STAB1: variants seen among roughly 807,000 people sequenced by gnomAD.
STAB1 encodes the protein stabilin-1.
A neutral mutation model predicts 332.4 loss-of-function variants in STAB1; 250 were observed. The ratio of observed to expected loss-of-function variants is 0.75; its 90% confidence interval spans 0.68 to 0.84. STAB1 has a LOEUF of 0.84. Among genes scored for constraint, STAB1 ranks in the 40% least tolerant of loss-of-function variants. The pLI is 0.00. For missense variants in STAB1, 3,249 were observed against 3,489.7 expected, an observed-to-expected ratio of 0.93 and a Z score of 1.74; for synonymous variants, 1,475 against 1,390.4, an observed-to-expected ratio of 1.06 and a Z score of -1.35.
chr3:52,509,721 A>G (rs1709150561), intron 22 of STAB1, 149 bp from the exon 23 acceptor site: 1 of 778,136 alleles, frequency 1.3e-6, no homozygotes, highest in Non-Finnish European at 2.1e-6. Context: ...CTGCCTGCCC[A>G]TTGAGTCTGA....
intron 20 of STAB1, 101 bp downstream of exon 20, chr3:52,508,127 T>A: frequency 7.3e-7 from 1 of 1,372,118 alleles, no homozygotes; most frequent in Non-Finnish European, 1.0e-6. Flanking sequence ...CCTCAGAGGA[T>A]GCACTGCAGC....
Position 52,505,322 on chromosome 3 carries a change from A to G in STAB1, c.1522A>G (p.Thr508Ala). ...PSGTPGDPKR[T>A]IGQILASTEA... is the part of the protein sequence containing the mutation. ...TCACACTCATCCCTCCTTACAGAGAACTATCGGACAGATCCTCGCCTCTAC... is the reference window on the plus strand; with the variant it reads ...TCACACTCATCCCTCCTTACAGAGAGCTATCGGACAGATCCTCGCCTCTAC... The change falls in exon 14 of 69, where the codon ACT (threonine) becomes GCT (alanine). Residue 508 changes from threonine (T) to alanine (A), a missense_variant. By Grantham distance (58) the Thr-to-Ala change is moderately conservative. Coordinates refer to ENST00000321725, the MANE Select transcript of STAB1 (RefSeq NM_015136.3). The G allele has an allele frequency of 6.2e-7, 1 of 1,613,634 alleles. No homozygotes were observed. Among genetic ancestry groups the G allele is most frequent in the Non-Finnish European group, 8.5e-7 (1 of 1,179,908 alleles).
chr3:52,514,790 C>T lies in STAB1; in HGVS notation c.3768C>T (p.Gly1256=), dbSNP rs1335020941. 1 of 1,612,886 alleles carries T rather than the reference C, an allele frequency of 6.2e-7. No individual in the cohort carries two copies. Among genetic ancestry groups the T allele is most frequent in the Non-Finnish European group, 8.5e-7 (1 of 1,179,976 alleles). The change falls in exon 35 of 69, where the codon GGC becomes GGT. Residue 1256 remains glycine, a synonymous_variant. Coordinates refer to ENST00000321725, the MANE Select transcript of STAB1 (RefSeq NM_015136.3). ...GTCTGTCGGGGGTCCTGACGGTGGGCTCAAGTCGCTGCCTGCATAGCCACG... is the reference window on the plus strand; with the variant it reads ...GTCTGTCGGGGGTCCTGACGGTGGGTTCAAGTCGCTGCCTGCATAGCCACG... ...LIGLSGVLTV[G]SSRCLHSHAE...
chr3:52,518,326 T>TA lies in STAB1; in HGVS notation c.4778dup (p.His1594AlafsTer13), dbSNP rs761862896. 2 of 1,612,868 alleles carry TA rather than the reference T, an allele frequency of 1.2e-6. No homozygotes were observed. The highest frequency in any genetic ancestry group is 4.5e-5 in the East Asian group (2 of 44,886). On this transcript the variant is annotated frameshift_variant, in exon 46 of 69. Transcript: ENST00000321725. LOFTEE classifies it high-confidence loss of function. ...CGCCCCCCCAGGAGCTCCTGAGGGA[T>TA]AAGCATGCCTCATTCTTCAGCCTCC... is the stretch of plus-strand genomic sequence containing the variant.
At chr3:52,501,073 G>A in intron 1 of STAB1, 93 bp from the exon 2 acceptor site, 2 of 1,522,630 alleles carry the variant, frequency 1.3e-6, no homozygotes, top group Non-Finnish European at 1.8e-6. Context: ...GGAAGTGGCA[G>A]CTGGAGGGGT....
intron 16 of STAB1, 87 bp downstream of exon 16, chr3:52,506,023 C>T (rs1708834880): frequency 1.3e-6 from 2 of 1,552,468 alleles, no homozygotes; most frequent in East Asian, 4.6e-5. Context: ...CCCATCTCTT[C>T]TCCATCTCCC....
In STAB1 at chr3:52,496,457, C is replaced by G. The variant is rs1385989724; in HGVS notation, c.78+966C>G. 2.0e-5 allele frequency among the ~76,000 whole-genome samples: 3 copies of G among 152,250 alleles called. No individual in the cohort carries two copies. The South Asian group carries it at 6.2e-4, about 31-fold the overall frequency. On this transcript the variant is annotated intron_variant, in intron 1 of 68. Transcript: ENST00000321725. ...ATCCCACAGGCAGTCCAGCCAGGGGCCTAGGCCCCCTGCCACCATCAGGCG... is the reference window on the plus strand; with the variant it reads ...ATCCCACAGGCAGTCCAGCCAGGGGGCTAGGCCCCCTGCCACCATCAGGCG...
At chr3:52,508,438 G>T in intron 21 of STAB1, 79 bp downstream of exon 21, 1 of 1,422,692 alleles carries the variant, frequency 7.0e-7, no homozygotes, top group Middle Eastern at 1.8e-4. Context: ...CTGGCTGTGT[G>T]TCTGGGCCAA....
intron 55 of STAB1, 105 bp from the exon 56 acceptor site, chr3:52,521,256 C>T (rs911683735): frequency 1.3e-5 from 19 of 1,496,618 alleles, no homozygotes; most frequent in Middle Eastern, 4.5e-4. Flanking sequence ...TAGCAGTGGG[C>T]GGACATAGGT....
chr3:52,515,518 A>T lies in STAB1; in HGVS notation c.3948+12A>T. On this transcript the variant is annotated intron_variant, in intron 37 of 68. Transcript: ENST00000321725. ...CCAAGAAGATCCAGGTTTGCCCTGA[A>T]GCCCCCACCCCAAGCCTGTCCAGAG... The T allele has an allele frequency of 6.2e-7, 1 of 1,612,934 alleles. No individual in the cohort carries two copies. Among genetic ancestry groups the T allele is most frequent in the Non-Finnish European group, 8.5e-7 (1 of 1,179,948 alleles).
At chr3:52,508,059 C>T (rs1709011693) in intron 20 of STAB1, 33 bp downstream of exon 20, 3 of 1,590,844 alleles carry the variant, frequency 1.9e-6, no homozygotes, top group Non-Finnish European at 2.6e-6. Flanking sequence ...ACTCCCAGGT[C>T]ACCTGGGCAC....
rs1009612225 is a variant in STAB1 at position 52,521,392 on chromosome 3, T to C, written c.5940T>C (p.Ser1980=). 21 of 1,613,894 alleles carry C rather than the reference T, an allele frequency of 1.3e-5. No homozygotes were observed. Among genetic ancestry groups the C allele is most frequent in the Non-Finnish European group, 1.7e-5 (20 of 1,180,022 alleles). Residue 1980 remains serine (S), a synonymous_variant, in exon 56 of 69, where the codon AGT becomes AGC. Transcript: ENST00000321725. ...ACPGGPSSPC[S]DRGVCMDGMS... ...CTGGCGGCCCCAGCAGCCCTTGTAG[T>C]GACCGTGGCGTGTGCATGGACGGCA...
Position 52,508,005 on chromosome 3 carries a change from C to T in STAB1, c.2127C>T (p.Ser709=). The T allele has an allele frequency of 3.1e-6, 5 of 1,613,598 alleles. No individual in the cohort carries two copies. Among genetic ancestry groups the T allele is most frequent in the Non-Finnish European group, 3.4e-6 (4 of 1,179,962 alleles). ...ATGTGCTAAAGAAGGGCTGTGCCAG[C>T]TACTGCAACCAAACCATCATGGTAA... The part of the protein sequence containing the change: ...GLNVLKKGCA[S]YCNQTIMEQG... Residue 709 remains serine (S), a synonymous_variant, in exon 20 of 69, where the codon AGC becomes AGT. Transcript: ENST00000321725.
Position 52,510,225 on chromosome 3 carries a change from GCTCA to G in STAB1, c.2619_2622del (p.Cys873TrpfsTer39). The G allele has an allele frequency of 6.2e-7, 1 of 1,614,030 alleles. No individual in the cohort carries two copies. Among genetic ancestry groups the G allele is most frequent in the Non-Finnish European group, 8.5e-7 (1 of 1,180,028 alleles). ...TGCTCCCACCCGGACCGTGGAGGCT[GCTCA>G]GAGAATGTCAGTCCCCTTGCTCCTT... On this transcript the variant is annotated frameshift_variant, in exon 24 of 69. Coordinates refer to ENST00000321725, the MANE Select transcript of STAB1 (RefSeq NM_015136.3). LOFTEE classifies it high-confidence loss of function.
rs768235658 is a variant in STAB1 at position 52,523,707 on chromosome 3, A to G, written c.7346A>G (p.Asn2449Ser). The G allele has an allele frequency of 4.3e-6, 7 of 1,610,586 alleles. No homozygotes were observed. The East Asian group carries it at 1.3e-4, about 31-fold the overall frequency. Residue 2449 changes from asparagine (N) to serine (S), a missense_variant, in exon 66 of 69, where the codon AAT becomes AGT. Coordinates refer to ENST00000321725, the MANE Select transcript of STAB1 (RefSeq NM_015136.3). ...RIIVWDIMAF[N>S]GIIHALASPL... is the part of the protein sequence containing the mutation. ...ATTGTGTGGGACATCATGGCCTTCAATGGCATCATCCATGCTCTGGCCAGC... is the reference window on the plus strand; with the variant it reads ...ATTGTGTGGGACATCATGGCCTTCAGTGGCATCATCCATGCTCTGGCCAGC...
intron 25 of STAB1, 57 bp downstream of exon 25, chr3:52,510,564 C>G (rs1709225296): frequency 6.4e-7 from 1 of 1,564,824 alleles, no homozygotes; most frequent in African/African-American, 1.3e-5. Flanking sequence ...CTCTCCCTGC[C>G]CCATCTGACT....
chr3:52,503,976 C>CG, intron 9 of STAB1, 52 bp from the exon 10 acceptor site: 1 of 1,544,062 alleles, frequency 6.5e-7, no homozygotes, highest in Admixed American at 1.7e-5. Flanking sequence ...GTGGGGGGTG[C>CG]GGTGGGGGGG....
rs527738642 is a variant in STAB1, at chr3:52,522,059, G to A, written c.6294G>A (p.Gly2098=). 4 of 1,613,376 alleles carry A rather than the reference G, an allele frequency of 2.5e-6. No homozygotes were observed. In the African/African-American group the frequency reaches 4.0e-5, roughly 16 times the overall value. ...CAGTGGCAGACCTGTGCCAGGACGG[G>A]CATGGTGGCTGCAGTGAGCACGCCA... The part of the protein sequence containing the change: ...VCTVADLCQD[G]HGGCSEHANC... The change falls in exon 59 of 69, where the codon GGG becomes GGA. Residue 2098 remains glycine, a synonymous_variant. Transcript: ENST00000321725.
chr3:52,523,616 T>A, intron 65 of STAB1, 36 bp from the exon 66 acceptor site: 1 of 1,612,770 alleles, frequency 6.2e-7, no homozygotes, highest in Non-Finnish European at 8.5e-7. Context: ...GCCCTGGCCC[T>A]CGCTCACAGT....
Sources: gnomAD v4.1 joint callset for allele counts (sites outside exome capture counted in the v4.1 genomes callset) on GRCh38, gnomAD v4.1.1 for gene constraint, MANE v1.5 for transcripts, NCBI Gene and HGNC (gene_info 2026-07-23, HGNC 2026-07-21) for gene names.